CPVL: variants seen among roughly 807,000 people sequenced by gnomAD.
The protein encoded by CPVL is probable serine carboxypeptidase CPVL.
CPVL carries 51 observed loss-of-function variants against 63.7 expected under a neutral mutation model. The observed-to-expected ratio is 0.80, with a 90% CI of 0.64 to 1.01. CPVL has a LOEUF of 1.01. CPVL is among the 50% of genes least tolerant of loss of function. The probability of loss-of-function intolerance (pLI) is 0.00; values close to 1 mark genes in which losing one functional copy is unlikely to be tolerated. For missense variants in CPVL, 530 were observed against 573.1 expected (o/e 0.92, Z 0.77); for synonymous variants, 195 against 206.0 (o/e 0.95, Z 0.46).
At chr7:29,144,075 T>C (rs1757672096) in intron 1 of CPVL, among the ~76,000 whole-genome samples, 1 of 152,266 alleles carries the variant, frequency 6.6e-6, no homozygotes, top group South Asian at 2.1e-4. Flanking sequence ...TTGCCCAGCT[T>C]ACCTCTCTCA....
chr7:29,190,854 A>C (rs1782794727), intron 1 of CPVL, among the ~76,000 whole-genome samples: 1 of 152,154 alleles, frequency 6.6e-6, no homozygotes, highest in African/African-American at 2.4e-5. Context: ...ACAATTGAAC[A>C]ACATCCACTG....
At chr7:29,031,843 C>T (rs1204233331) in intron 11 of CPVL, among the ~76,000 whole-genome samples, 4 of 151,978 alleles carry the variant, frequency 2.6e-5, no homozygotes, top group Admixed American at 6.6e-5. Flanking sequence ...ATACTTATCA[C>T]ATAATGTTAA....
chr7:29,076,495 C>T (rs1337497932), intron 7 of CPVL, among the ~76,000 whole-genome samples: 46 of 152,188 alleles, frequency 3.0e-4, no homozygotes, highest in Non-Finnish European at 2.9e-5. Flanking sequence ...TAGGATTTGG[C>T]AGTGACCTTC....
chr7:29,042,792 C>T (rs552405825), intron 11 of CPVL, among the ~76,000 whole-genome samples: 2 of 152,310 alleles, frequency 1.3e-5, no homozygotes, highest in East Asian at 3.9e-4. Context: ...GCAGGACAGC[C>T]TCATCACAGG....
intron 11 of CPVL, among the ~76,000 whole-genome samples, chr7:29,046,139 C>T (rs1562739304): frequency 6.8e-6 from 1 of 146,682 alleles, no homozygotes; most frequent in Admixed American, 6.9e-5. Flanking sequence ...AGTTGGAGTG[C>T]AGTGGCGTGA....
intron 9 of CPVL, among the ~76,000 whole-genome samples, chr7:29,069,230 C>A (rs317721): frequency 0.99 from 150,307 of 151,180 alleles, 74,720 homozygotes; most frequent in Middle Eastern, 1. Context: ...ACTTGAGGTC[C>A]GGAGTTTGAG....
intron 11 of CPVL, among the ~76,000 whole-genome samples, chr7:29,057,539 T>C (rs2128179876): frequency 6.6e-6 from 1 of 152,314 alleles, no homozygotes; most frequent in South Asian, 2.1e-4. Context: ...TCATGGATTG[T>C]TCCTTTAGCA....
rs774788080 is a variant in CPVL at position 29,086,559 on chromosome 7, A to G, written c.543-9T>C. ...AAAACTGAATTAGTGCACTGCAAAA[A>G]GAAGAACAAGAACAACACAAATTAA... On this transcript the variant is annotated splice_polypyrimidine_tract_variant and intron_variant, in intron 6 of 12. Coordinates refer to ENST00000265394, the MANE Select transcript of CPVL (RefSeq NM_031311.5). 6 of 1,568,330 alleles carry G rather than the reference A, an allele frequency of 3.8e-6. No individual in the cohort carries two copies. In the South Asian group the frequency reaches 6.7e-5, roughly 17 times the overall value.
At position 29,103,411 on chromosome 7, in the gene CPVL, ATT is replaced by A. The variant is rs551627609; in HGVS notation, c.289-7196_289-7195del. ...GAGGTGTGCACCACCATGCTCAGCT[ATT>A]TTTTTTTTTTTTTGTATTTTTAGTA... is the stretch of plus-strand genomic sequence containing the variant. On this transcript the variant is annotated intron_variant, in intron 3 of 12. Transcript: ENST00000265394. Among the ~76,000 whole-genome samples the A allele has an allele frequency of 3.6e-4, 49 of 134,796 alleles. 1 individual carries two copies. The highest frequency in any genetic ancestry group is 8.0e-4 in the African/African-American group (28 of 35,086). 88.4% of individuals were successfully genotyped at this position (134,796 alleles called of 152,430 possible).
chr7:29,055,521 G>C (rs1040894193), intron 11 of CPVL, among the ~76,000 whole-genome samples: 1 of 150,474 alleles, frequency 6.6e-6, no homozygotes, highest in Non-Finnish European at 1.5e-5. Flanking sequence ...AAAGCACTGA[G>C]ATTACAGGCA....
At chr7:29,157,917 TC>T (rs1454144960) in intron 5 of CPVL, among the ~76,000 whole-genome samples, 1 of 152,152 alleles carries the variant, frequency 6.6e-6, no homozygotes, top group African/African-American at 2.4e-5. Context: ...TTCATTTTAC[TC>T]TTCCTTATGA....
At chr7:29,107,662 A>C (rs1334343175) in intron 3 of CPVL, among the ~76,000 whole-genome samples, 1 of 152,230 alleles carries the variant, frequency 6.6e-6, no homozygotes, top group Non-Finnish European at 1.5e-5. Flanking sequence ...GGCCCTCTCC[A>C]GATCTGCAGA....
rs186938175 is a variant in CPVL, at chr7:29,172,137, G to C, written c.-11+9153C>G. ...TTGCCACCTAGAAGGAACCCAGGGAGTACCTAGGTTTCCATATATGGGGGG... is the reference window on the plus strand; with the variant it reads ...TTGCCACCTAGAAGGAACCCAGGGACTACCTAGGTTTCCATATATGGGGGG... On this transcript the variant is annotated intron_variant, in intron 5 of 16. Coordinates refer to the CPVL transcript ENST00000409850. 1.7e-4 allele frequency among the ~76,000 whole-genome samples: 26 copies of C among 152,272 alleles called. No individual in the cohort carries two copies. The East Asian group carries it at 2.3e-3, about 14-fold the overall frequency.
intron 11 of CPVL, among the ~76,000 whole-genome samples, chr7:29,058,957 T>C (rs1791010350): frequency 6.6e-6 from 1 of 152,168 alleles, no homozygotes; most frequent in Non-Finnish European, 1.5e-5. Context: ...TACATTAATC[T>C]GGGAAAGTTT....
chr7:29,004,900 TC>T lies in CPVL; in HGVS notation c.1321-9019del, dbSNP rs199513386. Among the ~76,000 whole-genome samples the T allele has an allele frequency of 3.4e-4, 50 of 146,104 alleles. 3 individuals are homozygous for T. Among genetic ancestry groups the T allele is most frequent in the African/African-American group, 9.0e-4 (36 of 40,080 alleles). On this transcript the variant is annotated intron_variant, in intron 12 of 12. Coordinates refer to ENST00000265394, the MANE Select transcript of CPVL (RefSeq NM_031311.5). ...AATATGTCTTTTTTTTCTTTTCTTT[TC>T]TTTTTTTTTTTTTGAGACAGGGTCT...
chr7:29,099,927 G>A (rs148248840), intron 3 of CPVL, among the ~76,000 whole-genome samples: 2,031 of 152,238 alleles, frequency 0.013, 23 homozygotes, highest in Admixed American at 0.026. Context: ...AGGCTCTGAG[G>A]AGCAAATGTA....
At chr7:29,166,151 C>CT (rs1417000710) in intron 5 of CPVL, among the ~76,000 whole-genome samples, 4 of 152,200 alleles carry the variant, frequency 2.6e-5, no homozygotes, top group South Asian at 4.2e-4. Context: ...CTGCCTCACC[C>CT]TCCCAAGTAG....
chr7:29,015,522 C>T (rs1051477709), intron 12 of CPVL, among the ~76,000 whole-genome samples: 6 of 152,218 alleles, frequency 3.9e-5, no homozygotes. Context: ...CCCCGGCTAG[C>T]TCTCATCTGC....
chr7:29,084,430 C>T (rs1346911666), intron 7 of CPVL, among the ~76,000 whole-genome samples: 2 of 152,188 alleles, frequency 1.3e-5, no homozygotes, highest in Non-Finnish European at 2.9e-5. Context: ...AAAATAGCAC[C>T]TCCTTCACTC....
Sources: gnomAD v4.1 joint callset for allele counts (sites outside exome capture counted in the v4.1 genomes callset) on GRCh38, gnomAD v4.1.1 for gene constraint, MANE v1.5 for transcripts, NCBI Gene and HGNC (gene_info 2026-07-23, HGNC 2026-07-21) for gene names.